ADGRG1: variants seen among roughly 807,000 people sequenced by gnomAD.
ADGRG1 encodes 7-transmembrane protein with no EGF-like N-terminal domains-1.
Under a neutral mutation model 73.5 loss-of-function variants are expected in ADGRG1, and 53 were observed. The ratio of observed to expected loss-of-function variants is 0.72; its 90% CI spans 0.58 to 0.91. The LOEUF is 0.91. Ranked by LOEUF, ADGRG1 falls within the 40% of genes least tolerant of loss-of-function variation. The pLI is 0.00. For synonymous variants in ADGRG1, 394 were observed against 374.4 expected (o/e 1.05, Z -0.60); for missense variants, 795 against 871.8 (o/e 0.91, Z 1.11).
Position 57,630,112 on chromosome 16 carries a change from C to T in ADGRG1, c.-36+1310C>T, listed in dbSNP as rs1456089199. 39 of 704,670 alleles carry T rather than the reference C, an allele frequency of 5.5e-5. No individual in the cohort carries two copies. The East Asian group carries it at 6.6e-4, about 12-fold the overall frequency. The allele number at this position is 704,670 out of a possible 1,614,324, so 43.7% of individuals were successfully genotyped here. ...CTCTGTGCTCTGTCGGGAACATGGCCGTGGGTGAGGCAAATAAGGTATCTC... is the reference window on the plus strand; with the variant it reads ...CTCTGTGCTCTGTCGGGAACATGGCTGTGGGTGAGGCAAATAAGGTATCTC... On this transcript the variant is annotated intron_variant, in intron 1 of 13. Transcript: ENST00000562631.
At chr16:57,649,756 G>A (rs904018049) in intron 1 of ADGRG1, among the ~76,000 whole-genome samples, 2 of 152,036 alleles carry the variant, frequency 1.3e-5, no homozygotes, top group African/African-American at 4.8e-5. Context: ...CTGGAACTCA[G>A]CTGGACTCTG....
upstream of ADGRG1, chr16:57,625,464 G>A (rs2035652989): frequency 4.1e-6 from 2 of 491,212 alleles, no homozygotes; most frequent in African/African-American, 2.1e-5. Flanking sequence ...CCCTTTTCCT[G>A]GTCTCTTGGA....
chr16:57,648,885 G>A (rs1291637558), intron 1 of ADGRG1, among the ~76,000 whole-genome samples: 2 of 152,254 alleles, frequency 1.3e-5, no homozygotes, highest in South Asian at 4.1e-4. Context: ...ACCAGGCAGG[G>A]AAAGCCCCTG....
chr16:57,655,790 A>G, intron 6 of ADGRG1, 86 bp from the exon 7 acceptor site: 2 of 1,613,184 alleles, frequency 1.2e-6, no homozygotes, highest in Non-Finnish European at 8.5e-7. Flanking sequence ...GGAGAGGGTT[A>G]TCTAGAGAGG....
chr16:57,636,262 G>T (rs1597187632), intron 1 of ADGRG1: 4 of 985,232 alleles, frequency 4.1e-6, no homozygotes, highest in Admixed American at 6.2e-5. Flanking sequence ...CCAAGGTTCA[G>T]TGCTCACAGA....
chr16:57,646,467 G>A, intron 1 of ADGRG1: 1 of 985,592 alleles, frequency 1.0e-6, no homozygotes, highest in South Asian at 4.7e-5. Context: ...GACTGGACTG[G>A]CCTGTTCTGT....
At chr16:57,659,838 T>C (rs1172208547) in intron 11 of ADGRG1, among the ~76,000 whole-genome samples, 157 bp downstream of exon 11, 1 of 152,110 alleles carries the variant, frequency 6.6e-6, no homozygotes, top group Non-Finnish European at 1.5e-5. Context: ...TGAATCAAGG[T>C]CCCCTTTAGG....
At chr16:57,631,055 G>A in intron 1 of ADGRG1, 2 of 985,672 alleles carry the variant, frequency 2.0e-6, no homozygotes, top group Non-Finnish European at 1.2e-6. Flanking sequence ...AGGACGGGGA[G>A]GGCCAGGATG....
chr16:57,635,350 G>A, intron 1 of ADGRG1: 1 of 985,368 alleles, frequency 1.0e-6, no homozygotes. Flanking sequence ...AGGGGACCAG[G>A]TGCACACGGT....
At chr16:57,620,943 G>A (rs553819601) in exon 1 of ADGRG1, 2 of 152,198 alleles carry the variant, frequency 1.3e-5, no homozygotes, top group African/African-American at 4.8e-5. Flanking sequence ...TTCCCTGTCT[G>A]TTCCATGAAG....
chr16:57,628,855 A>AGAGT (rs2036478810), intron 1 of ADGRG1, 53 bp downstream of exon 1: 1 of 880,844 alleles, frequency 1.1e-6, no homozygotes, highest in Non-Finnish European at 1.4e-6. Flanking sequence ...TGTGAGTGTG[A>AGAGT]GAGTGTGAGT....
At chr16:57,622,372 G>GC (rs1308708833) in intron 2 of ADGRG1, among the ~76,000 whole-genome samples, 2 of 152,160 alleles carry the variant, frequency 1.3e-5, no homozygotes, top group Non-Finnish European at 2.9e-5. Context: ...CCCCCCAACC[G>GC]CTGGGGCTCC....
intron 5 of ADGRG1, 87 bp downstream of exon 5, chr16:57,654,220 G>A: frequency 1.5e-6 from 2 of 1,360,500 alleles, no homozygotes; most frequent in Non-Finnish European, 2.0e-6. Flanking sequence ...CTGAAGCTCA[G>A]TGCCGTCGCA....
rs115132620 is a variant in ADGRG1 at position 57,642,777 on chromosome 16, G to A, written c.-35-7476G>A. On this transcript the variant is annotated intron_variant, in intron 1 of 13. Transcript: ENST00000562631. ...CTAAAAGTTTGGGCTTGGAGGTTAG[G>A]CGGACCTGAGTTTGAGTCCCGGCTT... 4.5e-4 allele frequency: 137 copies of A among 302,440 alleles called. 3 individuals carry two copies. Among genetic ancestry groups the A allele is most frequent in the African/African-American group, 3.0e-3 (132 of 44,254 alleles). The allele number at this position is 302,440 out of a possible 1,614,324, so 18.7% of individuals were successfully genotyped here.
intron 1 of ADGRG1, chr16:57,644,093 T>C: frequency 1.0e-6 from 1 of 985,266 alleles, no homozygotes; most frequent in Non-Finnish European, 1.2e-6. Context: ...AGAGCCCTGC[T>C]CTTTGCACTG....
At chr16:57,652,320 G>C (rs997932255) in intron 3 of ADGRG1, among the ~76,000 whole-genome samples, 4 of 152,040 alleles carry the variant, frequency 2.6e-5, no homozygotes, top group Admixed American at 2.6e-4. Flanking sequence ...GTTTACTGGG[G>C]GGTTTTCATG....
intron 1 of ADGRG1, among the ~76,000 whole-genome samples, chr16:57,638,241 A>C (rs995614668): frequency 3.3e-5 from 5 of 152,194 alleles, no homozygotes; most frequent in Non-Finnish European, 5.9e-5. Context: ...GTCCCAGAGA[A>C]AATCTCCATT....
chr16:57,663,510 C>T lies in ADGRG1; in HGVS notation c.1992C>T (p.Ser664=), dbSNP rs2148658956. ...GGCTGCAGGCCCGGGGTGGCCCCTCCCCTCTGAAGAGCAACTCAGACAGCG... is the reference window on the plus strand; with the variant it reads ...GGCTGCAGGCCCGGGGTGGCCCCTCTCCTCTGAAGAGCAACTCAGACAGCG... The part of the protein sequence containing the change: ...SMRLQARGGP[S]PLKSNSDSAR... The change falls in exon 14 of 14, where the codon TCC becomes TCT. Residue 664 remains serine, a synonymous_variant. Transcript: ENST00000562631. 1 of 1,613,944 alleles carries T rather than the reference C, an allele frequency of 6.2e-7. No homozygotes were observed. Among genetic ancestry groups the T allele is most frequent in the South Asian group, 1.1e-5 (1 of 91,086 alleles).
intron 1 of ADGRG1, among the ~76,000 whole-genome samples, chr16:57,649,817 A>C (rs1458521205): frequency 6.6e-6 from 1 of 151,456 alleles, no homozygotes; most frequent in Non-Finnish European, 1.5e-5. Flanking sequence ...TCACTCTGTC[A>C]CCCAGGCTGG....
Sources: gnomAD v4.1 joint callset for allele counts (sites outside exome capture counted in the v4.1 genomes callset) on GRCh38, gnomAD v4.1.1 for gene constraint, MANE v1.5 for transcripts, NCBI Gene and HGNC (gene_info 2026-07-23, HGNC 2026-07-21) for gene names.